CPNE2: variants seen among roughly 807,000 people sequenced by gnomAD.
CPNE2 encodes the protein copine-2.
A neutral mutation model predicts 69.7 loss-of-function variants in CPNE2; 42 were observed. The observed-to-expected ratio is 0.60, with a 90% CI of 0.47 to 0.78. CPNE2 has a LOEUF of 0.78. Among genes scored for constraint, CPNE2 ranks in the 30% least tolerant of loss-of-function variants. CPNE2 has a pLI of 0.00. For missense variants in CPNE2, 587 were observed against 732.0 expected, an observed-to-expected ratio of 0.80 and a Z score of 2.29; for synonymous variants, 294 against 289.8, an observed-to-expected ratio of 1.01 and a Z score of -0.15.
chr16:57,132,617 G>A (rs1213940724), intron 12 of CPNE2, among the ~76,000 whole-genome samples: 1 of 152,308 alleles, frequency 6.6e-6, no homozygotes, highest in Middle Eastern at 3.4e-3. Context: ...ACAAAGGCCT[G>A]TGGCTGGCAG....
chr16:57,117,023 A>G (rs1567668067), intron 4 of CPNE2, among the ~76,000 whole-genome samples: 3 of 152,150 alleles, frequency 2.0e-5, no homozygotes, highest in Non-Finnish European at 2.9e-5. Context: ...CAGATGACCA[A>G]TGTGAACTGA....
chr16:57,098,958 G>A (rs2069595870), intron 1 of CPNE2, among the ~76,000 whole-genome samples: 1 of 151,990 alleles, frequency 6.6e-6, no homozygotes, highest in Non-Finnish European at 1.5e-5. Flanking sequence ...TTTGTTTTTT[G>A]TTTTACCACA....
chr16:57,117,801 C>A (rs994493628), intron 5 of CPNE2, among the ~76,000 whole-genome samples: 3 of 152,188 alleles, frequency 2.0e-5, no homozygotes, highest in Admixed American at 1.3e-4. Flanking sequence ...ATTGGGGCAT[C>A]CCCATCTCAC....
chr16:57,114,482 C>T (rs976599894), intron 3 of CPNE2, among the ~76,000 whole-genome samples: 1 of 152,224 alleles, frequency 6.6e-6, no homozygotes, highest in Non-Finnish European at 1.5e-5. Context: ...GTCTCCTGCC[C>T]ATCCCCCCAA....
intron 1 of CPNE2, among the ~76,000 whole-genome samples, chr16:57,095,826 T>C (rs1280718322): frequency 1.3e-5 from 2 of 152,228 alleles, no homozygotes; most frequent in African/African-American, 4.8e-5. Context: ...GACTGACTAG[T>C]GAGATTGTGT....
chr16:57,114,582 A>T (rs949622187), intron 3 of CPNE2, among the ~76,000 whole-genome samples: 2 of 151,478 alleles, frequency 1.3e-5, no homozygotes, highest in Admixed American at 6.6e-5. Context: ...GCGGAGAAGA[A>T]CTAGCCCCAC....
intron 3 of CPNE2, among the ~76,000 whole-genome samples, chr16:57,115,010 G>C (rs1197720240): frequency 6.6e-6 from 1 of 151,390 alleles, no homozygotes; most frequent in East Asian, 1.9e-4. Flanking sequence ...AGGAGGCTGA[G>C]GTGGGAGGAT....
chr16:57,121,178 G>A lies in CPNE2; in HGVS notation c.767G>A (p.Arg256Gln), dbSNP rs372408704. Residue 256 changes from arginine (R) to glutamine (Q), a missense_variant, in exon 8 of 16, where the codon CGA becomes CAA. Coordinates refer to ENST00000290776, the MANE Select transcript of CPNE2 (RefSeq NM_152727.6). ...QTSVSQMCEA[R>Q]DSVPLEFECI... is the part of the protein sequence containing the mutation. Reference sequence around the variant, plus strand: ...TCAGTGTCACAGATGTGTGAGGCTCGAGACAGCGTCCCGGTGAGATGGGCA... The same window carrying A: ...TCAGTGTCACAGATGTGTGAGGCTCAAGACAGCGTCCCGGTGAGATGGGCA... The A allele has an allele frequency of 1.8e-4, 283 of 1,613,788 alleles. No individual in the cohort carries two copies. Among genetic ancestry groups the A allele is most frequent in the Admixed American group, 2.2e-4 (13 of 59,988 alleles).
intron 1 of CPNE2, among the ~76,000 whole-genome samples, chr16:57,098,946 T>G (rs1158374595): frequency 6.6e-6 from 1 of 152,152 alleles, no homozygotes; most frequent in African/African-American, 2.4e-5. Context: ...GTTTTGGTGT[T>G]TTTTGTTTTT....
At chr16:57,104,442 C>T (rs1301084639) in intron 1 of CPNE2, among the ~76,000 whole-genome samples, 1 of 152,190 alleles carries the variant, frequency 6.6e-6, no homozygotes, top group East Asian at 1.9e-4. Flanking sequence ...GACACAGTCC[C>T]TCTCCTGCTG....
intron 10 of CPNE2, chr16:57,123,821 C>T (rs2069780498): frequency 2.7e-6 from 1 of 368,196 alleles, no homozygotes; most frequent in Admixed American, 4.1e-5. Flanking sequence ...TCCTTGCTCA[C>T]TGGGCTCTAA....
At chr16:57,147,447 T>G in intron 15 of CPNE2, 104 bp from the exon 16 acceptor site, 2 of 781,148 alleles carry the variant, frequency 2.6e-6, no homozygotes, top group Non-Finnish European at 3.9e-6. Flanking sequence ...TTGTCCTCAA[T>G]GGACACCTGC....
At chr16:57,105,402 C>T (rs2069641857) in intron 1 of CPNE2, among the ~76,000 whole-genome samples, 1 of 151,992 alleles carries the variant, frequency 6.6e-6, no homozygotes, top group Non-Finnish European at 1.5e-5. Flanking sequence ...GTCAGTGGAC[C>T]CTGTGAGGGC....
chr16:57,096,698 CAAA>C (rs34322802), intron 1 of CPNE2, among the ~76,000 whole-genome samples: 5 of 56,980 alleles, frequency 8.8e-5, no homozygotes, highest in African/African-American at 5.7e-5. Flanking sequence ...GACCATGTCT[CAAA>C]AAAAAAAAAA....
At chr16:57,108,386 G>A (rs1279860493) in intron 1 of CPNE2, among the ~76,000 whole-genome samples, 1 of 152,230 alleles carries the variant, frequency 6.6e-6, no homozygotes, top group Non-Finnish European at 1.5e-5. Flanking sequence ...TTGGATTTGT[G>A]TTCCCAGAGG....
intron 14 of CPNE2, chr16:57,145,819 G>C: frequency 2.0e-6 from 1 of 501,938 alleles, no homozygotes; most frequent in South Asian, 2.1e-5. Context: ...GAGGCCCCAA[G>C]GGGGAGTCTA....
rs1284924188 is a variant in CPNE2 at position 57,098,208 on chromosome 16, CA to C, written c.-36+5419del. 3.3e-5 allele frequency among the ~76,000 whole-genome samples: 5 copies of C among 152,316 alleles called. No individual in the cohort carries two copies. The East Asian group carries it at 5.8e-4, about 18-fold the overall frequency. On this transcript the variant is annotated intron_variant, in intron 1 of 15. Transcript: ENST00000290776. ...TGGTCTGGTGGAAGCTGGGGGTCCC[CA>C]GGGGGGCCTCAGGGCCAACCCCTGC...
intron 1 of CPNE2, chr16:57,093,981 C>T (rs1312335124): frequency 4.4e-6 from 2 of 453,300 alleles, no homozygotes; most frequent in Non-Finnish European, 8.9e-6. Context: ...CCCCCTGTGG[C>T]CCTCTGGGTC....
chr16:57,134,099 C>T (rs1271394263), intron 12 of CPNE2, among the ~76,000 whole-genome samples: 7 of 152,318 alleles, frequency 4.6e-5, no homozygotes, highest in Admixed American at 3.3e-4. Flanking sequence ...CAGCAGCAGC[C>T]GGATGTGATG....
Sources: allele counts gnomAD v4.1 joint callset (sites outside exome capture counted in the v4.1 genomes callset), GRCh38; gene constraint gnomAD v4.1.1; transcripts MANE v1.5; gene names NCBI Gene and HGNC (gene_info 2026-07-23, HGNC 2026-07-21).